The following ZNF462 variants were observed in gnomAD, a reference collection of about 807,000 sequenced individuals.
ZNF462 encodes zinc finger protein 462.
ZNF462 carries 10 observed loss-of-function variants against 201.9 expected under a neutral mutation model. That is an observed-to-expected ratio of 0.05 (90% CI 0.03 to 0.08). ZNF462 has a LOEUF of 0.08. Ranked by LOEUF, ZNF462 falls within the 10% of genes least tolerant of loss-of-function variation. The pLI is 1.00. For synonymous variants in ZNF462, 1,227 were observed against 1,193.3 expected (o/e 1.03, Z -0.58); for missense variants, 2,523 against 3,168.3 (o/e 0.80, Z 4.89).
At chr9:106,940,915 A>T (rs528730292) in intron 7 of ZNF462, among the ~76,000 whole-genome samples, 1 of 152,294 alleles carries the variant, frequency 6.6e-6, no homozygotes, top group East Asian at 1.9e-4. Flanking sequence ...ACTTGACTCA[A>T]ATTGTAGGAT....
chr9:106,934,209 G>A (rs2131570558), intron 5 of ZNF462, among the ~76,000 whole-genome samples: 1 of 150,078 alleles, frequency 6.7e-6, no homozygotes, highest in South Asian at 2.1e-4. Flanking sequence ...GAAAAATTAA[G>A]TAATTTGCCC....
rs1243845501 is a variant in ZNF462 at position 107,006,369 on chromosome 9, C to CA, written c.7189+2945dup. ...AAAAACAAAACAAACAAACAAACAA[C>CA]AACAAAAAATATAAACCCTGGAGAC... is the stretch of plus-strand genomic sequence containing the variant. On this transcript the variant is annotated intron_variant, in intron 11 of 12. Transcript: ENST00000277225. This position sits in a 1 kb window ranked among gnomAD's most constrained non-coding sequence, Gnocchi z 4.3. Among the ~76,000 whole-genome samples the CA allele has an allele frequency of 1.1e-3, 170 of 152,092 alleles. 1 individual carries two copies. Among genetic ancestry groups the CA allele is most frequent in the African/African-American group, 3.9e-3 (162 of 41,476 alleles).
At chr9:107,001,659 G>A (rs188376289) in intron 10 of ZNF462, among the ~76,000 whole-genome samples, 8 of 152,260 alleles carry the variant, frequency 5.3e-5, no homozygotes, top group Non-Finnish European at 1.0e-4. Flanking sequence ...TTTGGAAACC[G>A]TTACTGTGGA....
chr9:106,890,148 T>C lies in ZNF462; in HGVS notation c.-31+26793T>C, dbSNP rs527289865. Among the ~76,000 whole-genome samples, 21 of 152,340 alleles carry C rather than the reference T, an allele frequency of 1.4e-4. No homozygotes were observed. Among genetic ancestry groups the C allele is most frequent in the African/African-American group, 5.1e-4 (21 of 41,572 alleles). On this transcript the variant is annotated intron_variant, in intron 1 of 12. Coordinates refer to ENST00000277225, the MANE Select transcript of ZNF462 (RefSeq NM_021224.6). This position sits in a 1 kb window ranked among gnomAD's most constrained non-coding sequence, Gnocchi z 4.2. ...TCATTGTATATATTCTGCCTAAAAGTTTGTAAAATCTAGTGGTGGCATTTA... is the reference window on the plus strand; with the variant it reads ...TCATTGTATATATTCTGCCTAAAAGCTTGTAAAATCTAGTGGTGGCATTTA...
At position 106,924,326 on chromosome 9, in the gene ZNF462, T is replaced by A. The variant is rs777936918; in HGVS notation, c.414T>A (p.Ser138Arg). Reference sequence around the variant, plus strand: ...TCCATGGAGCTCAAGCTGAAGGGAGTTCATCAGGACCCCCTGTCCCGGGAT... The same window carrying A: ...TCCATGGAGCTCAAGCTGAAGGGAGATCATCAGGACCCCCTGTCCCGGGAT... ...RKVHGAQAEGSSSGPPVPGSL... is the reference protein window; with the variant it reads ...RKVHGAQAEGRSSGPPVPGSL... The change falls in exon 3 of 13, where the codon AGT becomes AGA. Residue 138 changes from serine to arginine, a missense_variant. Around this residue, in one of 15 missense-constraint regions of ZNF462, gnomAD observed 480 missense variants for 544.4 expected, o/e 0.88. Transcript: ENST00000277225. This position sits in a 1 kb window ranked among gnomAD's most constrained non-coding sequence, Gnocchi z 6.2. 4 of 1,613,346 alleles carry A rather than the reference T, an allele frequency of 2.5e-6. No individual in the cohort carries two copies. Among genetic ancestry groups the A allele is most frequent in the African/African-American group, 2.7e-5 (2 of 74,686 alleles).
intron 1 of ZNF462, among the ~76,000 whole-genome samples, chr9:106,918,227 T>C (rs1829857575): frequency 6.6e-6 from 1 of 152,216 alleles, no homozygotes; most frequent in South Asian, 2.1e-4. Flanking sequence ...ATGTCATTTG[T>C]ATTTATTCAG....
chr9:106,860,857 C>G (rs1039651246), upstream of ZNF462, among the ~76,000 whole-genome samples: 3 of 151,932 alleles, frequency 2.0e-5, no homozygotes, highest in African/African-American at 7.2e-5. The surrounding 1 kb of genome is among the most constrained non-coding windows in gnomAD (Gnocchi z 7.1). Context: ...TCCGGGCACT[C>G]GGAAGGGGGA....
chr9:106,874,667 A>C (rs528364335), intron 1 of ZNF462, among the ~76,000 whole-genome samples: 1 of 152,340 alleles, frequency 6.6e-6, no homozygotes, highest in African/African-American at 2.4e-5. Flanking sequence ...GTATTTAAGG[A>C]GGTGGAATTG....
intron 1 of ZNF462, among the ~76,000 whole-genome samples, chr9:106,899,998 A>T: frequency 1.5e-5 from 2 of 132,558 alleles, no homozygotes; most frequent in Non-Finnish European, 3.2e-5. Flanking sequence ...CCCCCCTCCC[A>T]CTCTTCCCCC....
Position 106,926,075 on chromosome 9 carries a change from G to A in ZNF462, c.2163G>A (p.Glu721=), listed in dbSNP as rs1830181264. The change falls in exon 3 of 13, where the codon GAG becomes GAA. Residue 721 remains glutamate (E), a synonymous_variant. Transcript: ENST00000277225. The surrounding 1 kb of genome is among the most constrained non-coding windows in gnomAD (Gnocchi z 7.9). Reference sequence around the variant, plus strand: ...AGGAAGATGCAGTGATCAATGTTGAGGATGATGAAGAGGAAGAGGAAGACA... The same window carrying A: ...AGGAAGATGCAGTGATCAATGTTGAAGATGATGAAGAGGAAGAGGAAGACA... ...KQQEDAVINV[E]DDEEEEEDNE... The A allele has an allele frequency of 6.2e-7, 1 of 1,614,106 alleles. No homozygotes were observed. The highest frequency in any genetic ancestry group is 1.3e-5 in the African/African-American group (1 of 74,942).
At chr9:106,893,041 C>T (rs1368375380) in intron 1 of ZNF462, among the ~76,000 whole-genome samples, 1 of 152,220 alleles carries the variant, frequency 6.6e-6, no homozygotes, top group African/African-American at 2.4e-5. Context: ...ACTACCAAAA[C>T]ATAAAAGTGT....
chr9:106,994,382 A>T (rs1221438603), intron 10 of ZNF462, among the ~76,000 whole-genome samples: 1 of 152,104 alleles, frequency 6.6e-6, no homozygotes, highest in Non-Finnish European at 1.5e-5. Context: ...GTCACTTAGG[A>T]CATTTGTTTC....
At chr9:106,992,406 A>G (rs1363216075) in intron 10 of ZNF462, among the ~76,000 whole-genome samples, 1 of 152,126 alleles carries the variant, frequency 6.6e-6, no homozygotes, top group Non-Finnish European at 1.5e-5. Flanking sequence ...GGAATGTAAA[A>G]TACCATAGCC....
intron 1 of ZNF462, among the ~76,000 whole-genome samples, chr9:106,875,321 G>A (rs1827782873): frequency 6.6e-6 from 1 of 152,142 alleles, no homozygotes; most frequent in South Asian, 2.1e-4. Context: ...TAACTGCAAA[G>A]CTTTCATAAA....
At chr9:106,916,852 G>T (rs988985562) in intron 1 of ZNF462, among the ~76,000 whole-genome samples, 1 of 152,026 alleles carries the variant, frequency 6.6e-6, no homozygotes, top group Non-Finnish European at 1.5e-5. Flanking sequence ...CAAGAAAATT[G>T]TCAAGACGCT....
Position 106,966,734 on chromosome 9 carries a change from G to C in ZNF462, c.6428-5271G>C, listed in dbSNP as rs912028647. 6.6e-6 allele frequency among the ~76,000 whole-genome samples: 1 copy of C among 152,042 alleles called. No homozygotes were observed. The highest frequency in any genetic ancestry group is 1.5e-5 in the Non-Finnish European group (1 of 67,986). On this transcript the variant is annotated intron_variant, in intron 7 of 12. Transcript: ENST00000277225. The surrounding 1 kb of genome is among the most constrained non-coding windows in gnomAD (Gnocchi z 4.4). ...TCAGTAAATATTTGCTGAATGAATGGGTGTAATTGAATCATTTGCCCCTTG... is the reference window on the plus strand; with the variant it reads ...TCAGTAAATATTTGCTGAATGAATGCGTGTAATTGAATCATTTGCCCCTTG...
At chr9:106,944,531 G>A (rs1831019920) in intron 7 of ZNF462, among the ~76,000 whole-genome samples, 1 of 152,158 alleles carries the variant, frequency 6.6e-6, no homozygotes, top group South Asian at 2.1e-4. Context: ...AGGGTCACTA[G>A]CATTTCCATC....
intron 7 of ZNF462, among the ~76,000 whole-genome samples, chr9:106,955,891 C>T (rs1002985742): frequency 6.6e-6 from 1 of 152,222 alleles, no homozygotes; most frequent in East Asian, 1.9e-4. Context: ...TCTCCAGGCT[C>T]TACTTCTAAT....
chr9:106,960,790 A>G (rs140997121), intron 7 of ZNF462, among the ~76,000 whole-genome samples: 20 of 152,256 alleles, frequency 1.3e-4, no homozygotes, highest in African/African-American at 4.3e-4. Flanking sequence ...CTACAGTGGC[A>G]GAAAAAACAA....
Sources: allele counts gnomAD v4.1 joint callset (sites outside exome capture counted in the v4.1 genomes callset), GRCh38; gene constraint gnomAD v4.1.1; regional missense constraint gnomAD v4.1.1; non-coding constraint Gnocchi (gnomAD v3.1); transcripts MANE v1.5; gene names NCBI Gene and HGNC (gene_info 2026-07-23, HGNC 2026-07-21).